The following ZNF462 variants were observed in gnomAD, a reference collection of about 807,000 sequenced individuals.
ZNF462 encodes zinc finger protein 462.
In ZNF462, 10 loss-of-function variants were observed where a neutral mutation model predicts 201.9. The observed-to-expected ratio is 0.05, with a 90% confidence interval of 0.03 to 0.08. The LOEUF is 0.08. Ranked by LOEUF, ZNF462 falls within the 10% of genes least tolerant of loss-of-function variation. The probability of loss-of-function intolerance (pLI) is 1.00; values close to 1 mark genes in which losing one functional copy is unlikely to be tolerated. For synonymous variants in ZNF462, 1,227 were observed against 1,193.3 expected, an observed-to-expected ratio of 1.03 and a Z score of -0.58; for missense variants, 2,523 against 3,168.3, an observed-to-expected ratio of 0.80 and a Z score of 4.89.
intron 10 of ZNF462, among the ~76,000 whole-genome samples, chr9:106,987,677 A>G (rs1827958582): frequency 6.6e-6 from 1 of 152,034 alleles, no homozygotes; most frequent in Admixed American, 6.6e-5. Context: ...GTAAGTCCCA[A>G]CTATTTATCT....
At chr9:106,879,329 T>TCCCCCCCC (rs1321110689) in intron 1 of ZNF462, among the ~76,000 whole-genome samples, 1 of 74,510 alleles carries the variant, frequency 1.3e-5, no homozygotes, top group African/African-American at 6.9e-5. Flanking sequence ...AGAGATGCTT[T>TCCCCCCCC]CCACCCCCCC....
chr9:106,936,771 G>A (rs750309819), intron 6 of ZNF462, among the ~76,000 whole-genome samples: 3 of 152,172 alleles, frequency 2.0e-5, no homozygotes, highest in Non-Finnish European at 2.9e-5. Context: ...TTTTACCAGC[G>A]AGAGCTGGGA....
In ZNF462 at chr9:106,919,631, T is replaced by C. The variant is rs1014490583; in HGVS notation, c.-30-3723T>C. On this transcript the variant is annotated intron_variant, in intron 1 of 12. Transcript: ENST00000277225. This position sits in a 1 kb window ranked among gnomAD's most constrained non-coding sequence, Gnocchi z 4.5. Reference sequence around the variant, plus strand: ...CCCCACATTTTGAAATCCTTCAAACTGTAAATGCAAACTGAACAAACCAGC... The same window carrying C: ...CCCCACATTTTGAAATCCTTCAAACCGTAAATGCAAACTGAACAAACCAGC... Among the ~76,000 whole-genome samples, 1 of 152,216 alleles carries C rather than the reference T, an allele frequency of 6.6e-6. No homozygotes were observed. Among genetic ancestry groups the C allele is most frequent in the Non-Finnish European group, 1.5e-5 (1 of 68,050 alleles).
In ZNF462 at chr9:106,926,495, C is replaced by T; in HGVS notation, c.2583C>T (p.His861=). 1 of 1,614,204 alleles carries T rather than the reference C, an allele frequency of 6.2e-7. No homozygotes were observed. The highest frequency in any genetic ancestry group is 8.5e-7 in the Non-Finnish European group (1 of 1,180,034). ...NNKSARSVST[H]YQRMHPYIKF... ...AATCTGCCCGGAGTGTTAGCACCCA[C>T]TACCAACGAATGCACCCATACATTA... The change falls in exon 3 of 13, where the codon CAC becomes CAT. Residue 861 remains histidine, a synonymous_variant. Coordinates refer to ENST00000277225, the MANE Select transcript of ZNF462 (RefSeq NM_021224.6). This position sits in a 1 kb window ranked among gnomAD's most constrained non-coding sequence, Gnocchi z 7.9.
rs1165353967 is a variant in ZNF462 at position 106,963,657 on chromosome 9, G to A, written c.6428-8348G>A. Among the ~76,000 whole-genome samples the A allele has an allele frequency of 6.6e-6, 1 of 152,038 alleles. No individual in the cohort carries two copies. Among genetic ancestry groups the A allele is most frequent in the East Asian group, 1.9e-4 (1 of 5,182 alleles). On this transcript the variant is annotated intron_variant, in intron 7 of 12. Transcript: ENST00000277225. This position sits in a 1 kb window ranked among gnomAD's most constrained non-coding sequence, Gnocchi z 4.7. ...TGTAAGGAACCTAACAGATGATCTTGTCTAAAGGCACCTAAAAAAATTACT... is the reference window on the plus strand; with the variant it reads ...TGTAAGGAACCTAACAGATGATCTTATCTAAAGGCACCTAAAAAAATTACT...
intron 10 of ZNF462, among the ~76,000 whole-genome samples, chr9:106,991,191 A>G (rs1828247536): frequency 2.6e-5 from 4 of 152,062 alleles, no homozygotes; most frequent in South Asian, 2.1e-4. Context: ...CTACTAGAAC[A>G]TGAATGAGCT....
intron 10 of ZNF462, among the ~76,000 whole-genome samples, chr9:106,998,394 C>A (rs1298696562): frequency 6.6e-6 from 1 of 152,110 alleles, no homozygotes; most frequent in Non-Finnish European, 1.5e-5. Context: ...TATGAAAATG[C>A]ATATTCAACT....
At chr9:106,863,891 G>A (rs1006239252) in intron 1 of ZNF462, among the ~76,000 whole-genome samples, 1 of 152,020 alleles carries the variant, frequency 6.6e-6, no homozygotes, top group Non-Finnish European at 1.5e-5. Flanking sequence ...TCAGAGGAGG[G>A]AGAGCTCCGT....
In ZNF462 at chr9:106,895,056, A is replaced by G. The variant is rs942402589; in HGVS notation, c.-30-28298A>G. 6.6e-6 allele frequency among the ~76,000 whole-genome samples: 1 copy of G among 152,188 alleles called. No homozygotes were observed. Among genetic ancestry groups the G allele is most frequent in the Non-Finnish European group, 1.5e-5 (1 of 68,032 alleles). On this transcript the variant is annotated intron_variant, in intron 1 of 12. Transcript: ENST00000277225. This position sits in a 1 kb window ranked among gnomAD's most constrained non-coding sequence, Gnocchi z 4.4. ...TAAATAGGAAATTTATGGGAATACC[A>G]TTAGCATAGGTTGATGCACTGCTTC... is the stretch of plus-strand genomic sequence containing the variant.
intron 6 of ZNF462, among the ~76,000 whole-genome samples, chr9:106,937,328 C>A (rs1830673252): frequency 6.6e-6 from 1 of 152,116 alleles, no homozygotes; most frequent in Admixed American, 6.6e-5. Flanking sequence ...GCTATACTCA[C>A]TTCACATGTG....
chr9:106,899,982 C>G (rs376759946), intron 1 of ZNF462, among the ~76,000 whole-genome samples: 3 of 151,850 alleles, frequency 2.0e-5, no homozygotes, highest in Admixed American at 6.6e-5. Flanking sequence ...AGTCTTTTAT[C>G]TCTTGCCCCC....
chr9:106,947,896 A>T (rs1229154300), intron 7 of ZNF462, among the ~76,000 whole-genome samples: 3 of 152,208 alleles, frequency 2.0e-5, no homozygotes, highest in Non-Finnish European at 4.4e-5. Flanking sequence ...GAAATGAAAG[A>T]CAAGTGTTTA....
rs2131758741 is a variant in ZNF462 at position 106,950,311 on chromosome 9, T to TAG, written c.6427+11207_6427+11208dup. 6.6e-6 allele frequency among the ~76,000 whole-genome samples: 1 copy of TAG among 152,346 alleles called. No homozygotes were observed. Among genetic ancestry groups the TAG allele is most frequent in the Non-Finnish European group, 1.5e-5 (1 of 68,036 alleles). On this transcript the variant is annotated intron_variant, in intron 7 of 12. Coordinates refer to ENST00000277225, the MANE Select transcript of ZNF462 (RefSeq NM_021224.6). The surrounding 1 kb of genome is among the most constrained non-coding windows in gnomAD (Gnocchi z 4.1). ...TTTTCTTAAGTGAAAGAGACAGGAATAGAGCCACAACCAATGTGCTAGAAG... is the reference window on the plus strand; with the variant it reads ...TTTTCTTAAGTGAAAGAGACAGGAATAGAGAGCCACAACCAATGTGCTAGAAG...
intron 7 of ZNF462, among the ~76,000 whole-genome samples, chr9:106,951,258 T>C (rs759031862): frequency 5.3e-5 from 8 of 152,164 alleles, no homozygotes; most frequent in African/African-American, 1.4e-4. Context: ...TGTACTTCTT[T>C]CTCTTCTGAT....
Position 106,984,114 on chromosome 9 carries a change from T to C in ZNF462, c.6833-72T>C. On this transcript the variant is annotated intron_variant, in intron 9 of 12. Transcript: ENST00000277225. This position sits in a 1 kb window ranked among gnomAD's most constrained non-coding sequence, Gnocchi z 6.4. ...GCAAGATTGGGTGAGTTTCTTCTTG[T>C]ATTCCAAAGAAAGAACTTCTGTTTT... is the stretch of plus-strand genomic sequence containing the variant. The C allele has an allele frequency of 7.1e-7, 1 of 1,414,630 alleles. No individual in the cohort carries two copies. Among genetic ancestry groups the C allele is most frequent in the Admixed American group, 1.9e-5 (1 of 52,860 alleles). 87.6% of individuals were successfully genotyped at this position (1,414,630 alleles called of 1,614,324 possible).
chr9:106,871,978 A>G (rs1202912144), intron 1 of ZNF462, among the ~76,000 whole-genome samples: 1 of 152,202 alleles, frequency 6.6e-6, no homozygotes, highest in African/African-American at 2.4e-5. Context: ...GGTTTCAGCC[A>G]TTGACTTGAG....
intron 1 of ZNF462, among the ~76,000 whole-genome samples, chr9:106,899,239 TGGGGGGGGGG>T (rs71384992): frequency 1.7e-5 from 1 of 57,500 alleles, no homozygotes; most frequent in East Asian, 7.6e-4. Flanking sequence ...TGTGTGTGTG[TGGGGGGGGGG>T]GGGTGTGTGC....
At position 106,974,025 on chromosome 9, in the gene ZNF462, A is replaced by G. The variant is rs2132071308; in HGVS notation, c.6696-112A>G. 1 of 1,411,062 alleles carries G rather than the reference A, an allele frequency of 7.1e-7. No homozygotes were observed. Among genetic ancestry groups the G allele is most frequent in the African/African-American group, 1.4e-5 (1 of 69,588 alleles). 87.4% of individuals were successfully genotyped at this position (1,411,062 alleles called of 1,614,324 possible). A position where few individuals can be genotyped will look rare whatever the true frequency, so the allele number is the denominator to read the frequency against. On this transcript the variant is annotated intron_variant, in intron 8 of 12. Coordinates refer to ENST00000277225, the MANE Select transcript of ZNF462 (RefSeq NM_021224.6). The surrounding 1 kb of genome is among the most constrained non-coding windows in gnomAD (Gnocchi z 4.0). The stretch of plus-strand genomic sequence containing the variant: ...GATGAACAGATTTTTTTTTAGCCCC[A>G]CAAGCAGGAGAGCCGCACTTGGACA...
Position 106,923,564 on chromosome 9 carries a change from T to G in ZNF462, c.181T>G (p.Ser61Ala), listed in dbSNP as rs763391765. 1.2e-6 allele frequency: 2 copies of G among 1,614,104 alleles called. No homozygotes were observed. The highest frequency in any genetic ancestry group is 2.2e-5 in the South Asian group (2 of 91,082). Residue 61 changes from serine to alanine, a missense_variant, in exon 2 of 13, where the codon TCT (serine) becomes GCT (alanine). Ser to Ala is a moderately conservative substitution (Grantham distance 99). This residue lies in a region of ZNF462 where 480 missense variants were observed against 544.4 expected (regional missense o/e 0.88). Transcript: ENST00000277225. The surrounding 1 kb of genome is among the most constrained non-coding windows in gnomAD (Gnocchi z 5.6). ...TAATCAGACAGAGGTGGAGTTTTCT[T>G]CTATAAAGGATGAATTTGCCATTGC... ...ASNQTEVEFS[S>A]IKDEFAIAED...
Sources: gnomAD v4.1 joint callset for allele counts (sites outside exome capture counted in the v4.1 genomes callset) on GRCh38, gnomAD v4.1.1 for gene constraint, gnomAD v4.1.1 regional missense constraint, Gnocchi (gnomAD v3.1) non-coding constraint, MANE v1.5 for transcripts, NCBI Gene and HGNC (gene_info 2026-07-23, HGNC 2026-07-21) for gene names.